The following FANCA variants were observed in gnomAD, a reference collection of about 807,000 sequenced individuals.
FANCA encodes the protein FA complementation group A, also known as Fanconi anemia group A protein.
In FANCA, 236 loss-of-function variants were observed where a neutral mutation model predicts 194.3. That is an observed-to-expected ratio of 1.21 (90% CI 1.09 to 1.35). The LOEUF (loss-of-function observed/expected upper bound fraction) is 1.35, where lower values mean the gene tolerates loss of function less well. FANCA is among the 40% of genes most tolerant of loss of function. The probability of loss-of-function intolerance (pLI) is 0.00; values close to 1 mark genes in which losing one functional copy is unlikely to be tolerated. For synonymous variants in FANCA, 1,014 were observed against 715.8 expected (o/e 1.42, Z -6.65); for missense variants, 2,628 against 1,813.9 (o/e 1.45, Z -8.15).
intron 13 of FANCA, 134 bp from the exon 14 acceptor site, chr16:89,791,670 C>T (rs948091937): frequency 1.6e-6 from 2 of 1,248,830 alleles, no homozygotes; most frequent in Non-Finnish European, 2.3e-6. Context: ...AAAGACTACA[C>T]AGCAATTACA....
chr16:89,799,635 T>C lies in FANCA; in HGVS notation c.796A>G (p.Thr266Ala), dbSNP rs7190823. 739,607 of 1,607,974 alleles carry C rather than the reference T, an allele frequency of 0.46. 184,200 individuals carry two copies. The highest frequency in any genetic ancestry group is 0.98 in the East Asian group (43,972 of 44,862). ...TVEPEKMPQV[T>A]VDVLQRMLIF... ...AGCATTCTCTGCAGTACATCAACCG[T>C]GACCTGTCAAAATAGAATGTGAGTT... Residue 266 changes from threonine (T) to alanine (A), a missense_variant, in exon 9 of 43, where the codon ACG (threonine) becomes GCG (alanine). Coordinates refer to ENST00000389301, the MANE Select transcript of FANCA (RefSeq NM_000135.4).
chr16:89,753,350 C>T (rs569425750), intron 30 of FANCA, among the ~76,000 whole-genome samples: 4 of 152,308 alleles, frequency 2.6e-5, no homozygotes, highest in East Asian at 1.9e-4. Flanking sequence ...AGTGGTCCCC[C>T]GGGCCCAGCT....
At chr16:89,747,703 A>AAAATAAAT (rs572834641) in intron 33 of FANCA, among the ~76,000 whole-genome samples, 4 of 151,960 alleles carry the variant, frequency 2.6e-5, no homozygotes, top group East Asian at 3.9e-4. Context: ...TCTGTCTCAA[A>AAAATAAAT]AAATAAATAA....
chr16:89,813,711 G>A (rs977845868), intron 3 of FANCA, among the ~76,000 whole-genome samples: 1 of 152,114 alleles, frequency 6.6e-6, no homozygotes, highest in Non-Finnish European at 1.5e-5. Flanking sequence ...GCGATTATAG[G>A]CGTGAGCCAC....
chr16:89,740,762 C>T (rs1193064586), intron 38 of FANCA, 42 bp downstream of exon 38: 4 of 1,584,906 alleles, frequency 2.5e-6, no homozygotes, highest in African/African-American at 1.3e-5. Context: ...CTGCCTGGCC[C>T]ACAGTGGGAG....
chr16:89,781,380 A>AAC (rs1229343450), intron 17 of FANCA, among the ~76,000 whole-genome samples: 2 of 147,934 alleles, frequency 1.4e-5, no homozygotes, highest in African/African-American at 5.0e-5. Context: ...AAAAAAAAAA[A>AAC]AAAAAACAAT....
intron 30 of FANCA, among the ~76,000 whole-genome samples, chr16:89,753,232 C>G (rs111269812): frequency 0.02 from 3,027 of 152,320 alleles, 89 homozygotes; most frequent in East Asian, 0.083. Context: ...CCTTACCTAT[C>G]ATTGGAGGTG....
At chr16:89,759,142 A>C (rs1489471871) in intron 29 of FANCA, among the ~76,000 whole-genome samples, 1 of 151,262 alleles carries the variant, frequency 6.6e-6, no homozygotes, top group East Asian at 2.0e-4. Flanking sequence ...AACACGGTGA[A>C]ACCTCGTCTC....
At chr16:89,767,067 G>A (rs1446374973) in intron 27 of FANCA, 74 bp downstream of exon 27, 16 of 1,222,202 alleles carry the variant, frequency 1.3e-5, no homozygotes, top group South Asian at 4.8e-5. Flanking sequence ...AGCAGACCTC[G>A]GCCTTCCGGT....
rs567015271 is a variant in FANCA, at chr16:89,805,241, G to A, written c.709+39C>T. The A allele has an allele frequency of 8.7e-6, 13 of 1,490,708 alleles. No homozygotes were observed. The African/African-American group carries it at 9.6e-5, about 11-fold the overall frequency. The allele number at this position is 1,490,708 out of a possible 1,614,324, so 92.3% of individuals were successfully genotyped here. ...AGAAGGCATTATCACAGATCAAAAT[G>A]AGTTTTACCCAAGAACCCGCATCTT... On this transcript the variant is annotated intron_variant, in intron 7 of 42. Transcript: ENST00000389301.
intron 36 of FANCA, among the ~76,000 whole-genome samples, chr16:89,744,459 C>T (rs895321696): frequency 3.3e-5 from 5 of 152,136 alleles, no homozygotes; most frequent in Non-Finnish European, 4.4e-5. Context: ...GAATATCTGA[C>T]TGGGGTCGAC....
rs34752953 is a variant in FANCA at position 89,803,624 on chromosome 16, C to CTT, written c.710-285_710-284dup. Reference sequence around the variant, plus strand: ...AACAAGTTTATAGTCAGATTTTTTTCTTTTTTTTTTTTTTTGTGAGACGGA... The same window carrying CTT: ...AACAAGTTTATAGTCAGATTTTTTTCTTTTTTTTTTTTTTTTTGTGAGACGGA... On this transcript the variant is annotated intron_variant, in intron 7 of 42. Coordinates refer to ENST00000389301, the MANE Select transcript of FANCA (RefSeq NM_000135.4). Among the ~76,000 whole-genome samples, 273 of 139,124 alleles carry CTT rather than the reference C, an allele frequency of 2.0e-3. 1 individual carries two copies. The highest frequency in any genetic ancestry group is 4.7e-3 in the African/African-American group (178 of 37,560). 91.3% of individuals were successfully genotyped at this position (139,124 alleles called of 152,430 possible). A position where few individuals can be genotyped will look rare whatever the true frequency, so the allele number is the denominator to read the frequency against.
chr16:89,790,877 TG>T lies in FANCA; in HGVS notation c.1359+525del, dbSNP rs1178401823. ...TGGAGTCTCCTTCTGTCACCCAGGC[TG>T]GCGTACAGTGGTGCAATCACAGCTC... On this transcript the variant is annotated intron_variant, in intron 14 of 42. Transcript: ENST00000389301. Among the ~76,000 whole-genome samples the T allele has an allele frequency of 2.0e-5, 3 of 152,174 alleles. No homozygotes were observed. The East Asian group carries it at 5.8e-4, about 29-fold the overall frequency.
intron 5 of FANCA, 37 bp downstream of exon 5, chr16:89,810,670 G>T (rs1335910524): frequency 1.5e-6 from 2 of 1,328,576 alleles, no homozygotes; most frequent in Non-Finnish European, 2.2e-6. Flanking sequence ...ACATTGCCTG[G>T]AACACTGGAG....
chr16:89,785,563 C>T (rs758290029), intron 14 of FANCA, among the ~76,000 whole-genome samples: 5 of 152,072 alleles, frequency 3.3e-5, no homozygotes, highest in Non-Finnish European at 5.9e-5. Context: ...CTCCCAGGAA[C>T]GAAGGGGGCT....
chr16:89,799,698 G>T, intron 8 of FANCA, 60 bp from the exon 9 acceptor site: 5 of 1,344,558 alleles, frequency 3.7e-6, no homozygotes, highest in Admixed American at 3.4e-5. Context: ...TGTGATACCT[G>T]CATCACACAA....
Position 89,765,004 on chromosome 16 carries a change from T to A in FANCA, c.2664A>T (p.Val888=). Residue 888 remains valine, a synonymous_variant, in exon 28 of 43, where the codon GTA becomes GTT. Transcript: ENST00000389301. ...GCAAGGGTCTCCAGGAAAGGCTGGC[T>A]ACGTCCTCCTCAGAAAGAGGCTGTC... is the stretch of plus-strand genomic sequence containing the variant. The part of the protein sequence containing the change: ...EARQPLSEED[V]ASLSWRPLHL... The A allele has an allele frequency of 6.2e-7, 1 of 1,614,258 alleles. No individual in the cohort carries two copies. Among genetic ancestry groups the A allele is most frequent in the African/African-American group, 1.3e-5 (1 of 75,070 alleles).
chr16:89,812,646 C>CAAAAAAAAAAAAAAAAAAAACAAA (rs2040932599), intron 3 of FANCA, among the ~76,000 whole-genome samples: 1 of 42,358 alleles, frequency 2.4e-5, no homozygotes, highest in African/African-American at 6.4e-5. Context: ...TACTCCGTCT[C>CAAAAAAAAAAAAAAAAAAAACAAA]AAAAAAAAAA....
chr16:89,799,259 C>G (rs781257041), intron 9 of FANCA, 27 bp from the exon 10 acceptor site: 1 of 1,613,436 alleles, frequency 6.2e-7, no homozygotes, highest in Non-Finnish European at 8.5e-7. Flanking sequence ...GAACAGAAAA[C>G]AGATGTCAGC....
Sources: gnomAD v4.1 joint callset for allele counts (sites outside exome capture counted in the v4.1 genomes callset) on GRCh38, gnomAD v4.1.1 for gene constraint, MANE v1.5 for transcripts, NCBI Gene and HGNC (gene_info 2026-07-23, HGNC 2026-07-21) for gene names.